The following CHN1 variants were observed in gnomAD, a reference collection of about 807,000 sequenced individuals.
CHN1 encodes chimerin 1, also known as N-chimaerin.
Under a neutral mutation model 59.5 loss-of-function variants are expected in CHN1, and 37 were observed. That is an observed-to-expected ratio of 0.62 (90% CI 0.48 to 0.82). The LOEUF is 0.82. Among genes scored for constraint, CHN1 ranks in the 40% least tolerant of loss-of-function variants. The pLI is 0.00. For missense variants in CHN1, 469 were observed against 571.0 expected (o/e 0.82, Z 1.82); for synonymous variants, 206 against 200.4 (o/e 1.03, Z -0.24).
chr2:174,858,819 C>T (rs2105450119), intron 6 of CHN1, among the ~76,000 whole-genome samples: 1 of 152,092 alleles, frequency 6.6e-6, no homozygotes, highest in Admixed American at 6.6e-5. Flanking sequence ...GGCATCTGTA[C>T]AAGGTCCACA....
At chr2:174,918,269 C>T (rs1235683315) in intron 4 of CHN1, among the ~76,000 whole-genome samples, 2 of 152,186 alleles carry the variant, frequency 1.3e-5, no homozygotes, top group Non-Finnish European at 2.9e-5. Flanking sequence ...GTACATTTTC[C>T]TCATATACAT....
At chr2:174,844,641 C>T (rs1201137435) in intron 7 of CHN1, among the ~76,000 whole-genome samples, 1 of 152,160 alleles carries the variant, frequency 6.6e-6, no homozygotes, top group East Asian at 1.9e-4. Flanking sequence ...AATCAGTGAC[C>T]TTCTAAGCGA....
In CHN1 at chr2:175,004,877, G is replaced by A; in HGVS notation, c.19+17C>T. The A allele has an allele frequency of 2.1e-6, 3 of 1,401,152 alleles. No individual in the cohort carries two copies. The highest frequency in any genetic ancestry group is 1.9e-6 in the Non-Finnish European group (2 of 1,068,348). 86.8% of individuals were successfully genotyped at this position (1,401,152 alleles called of 1,614,324 possible). ...CGCGGCCCACCTGCGGCGGCGCGGG[G>A]AGACGGCTGCACTTACCAAACAGGG... On this transcript the variant is annotated intron_variant, in intron 1 of 12. Coordinates refer to ENST00000409900, the MANE Select transcript of CHN1 (RefSeq NM_001822.7).
chr2:174,909,644 G>C (rs1351394251), intron 5 of CHN1, among the ~76,000 whole-genome samples: 1 of 152,214 alleles, frequency 6.6e-6, no homozygotes, highest in Non-Finnish European at 1.5e-5. Context: ...GACTAGCCAT[G>C]AATACAAATA....
At chr2:174,820,275 A>G in intron 8 of CHN1, among the ~76,000 whole-genome samples, 1 of 152,328 alleles carries the variant, frequency 6.6e-6, no homozygotes, top group East Asian at 1.9e-4. Flanking sequence ...ACTAGTTTAC[A>G]GTCCCACCAA....
intron 2 of CHN1, among the ~76,000 whole-genome samples, chr2:174,945,929 G>GTATA (rs1260404826): frequency 3.6e-4 from 54 of 149,488 alleles, no homozygotes; most frequent in African/African-American, 6.7e-4. Flanking sequence ...GTGTGTGTGT[G>GTATA]TGTATATATA....
At chr2:174,848,264 T>G in intron 6 of CHN1, among the ~76,000 whole-genome samples, 1 of 152,152 alleles carries the variant, frequency 6.6e-6, no homozygotes, top group East Asian at 1.9e-4. Context: ...TGGAAGCCAG[T>G]TGGGAATAAT....
At chr2:174,990,262 T>TGAGAGA (rs147367573) in intron 1 of CHN1, among the ~76,000 whole-genome samples, 3 of 89,388 alleles carry the variant, frequency 3.4e-5, no homozygotes, top group African/African-American at 9.4e-5. Context: ...TGTGTGTGTG[T>TGAGAGA]GAGAGAGAGA....
intron 5 of CHN1, among the ~76,000 whole-genome samples, chr2:174,889,881 A>G (rs890921931): frequency 4.7e-5 from 7 of 149,288 alleles, no homozygotes; most frequent in Non-Finnish European, 6.0e-5. Flanking sequence ...ATAAATAAAT[A>G]TGTGTGTGTG....
Position 174,799,593 on chromosome 2 carries a change from A to C in CHN1, c.*523T>G, listed in dbSNP as rs1477468947. On this transcript the variant is annotated 3_prime_UTR_variant, in exon 13 of 13. Transcript: ENST00000409900. ...TGGAAAGAAAGTACTATGTTAGAGA[A>C]GAACTAAGAGAAACCAGAAATCATT... The C allele has an allele frequency of 1.9e-6, 1 of 527,114 alleles. No individual in the cohort carries two copies. The highest frequency in any genetic ancestry group is 1.9e-5 in the African/African-American group (1 of 53,460). 32.7% of individuals were successfully genotyped at this position (527,114 alleles called of 1,614,324 possible).
chr2:174,984,471 C>A (rs545071146), intron 1 of CHN1, among the ~76,000 whole-genome samples: 2 of 149,428 alleles, frequency 1.3e-5, no homozygotes, highest in South Asian at 4.2e-4. Flanking sequence ...CCGGTTGAAG[C>A]GATTCTCCTG....
intron 7 of CHN1, chr2:174,846,194 TATAA>T: frequency 3.8e-6 from 5 of 1,326,436 alleles, no homozygotes; most frequent in Non-Finnish European, 5.0e-6. Context: ...TATATCATGC[TATAA>T]ATACAGACTA....
intron 1 of CHN1, among the ~76,000 whole-genome samples, chr2:174,975,287 A>G (rs759776919): frequency 7.5e-4 from 114 of 152,204 alleles, no homozygotes; most frequent in Admixed American, 1.7e-3. Context: ...TTCATTTCTT[A>G]GATTTTTTTA....
intron 5 of CHN1, among the ~76,000 whole-genome samples, chr2:174,883,375 A>T (rs1687792508): frequency 6.6e-6 from 1 of 152,216 alleles, no homozygotes; most frequent in South Asian, 2.1e-4. Context: ...CAAAATTTAA[A>T]TACTAAAGAA....
intron 10 of CHN1, 54 bp downstream of exon 10, chr2:174,811,456 CT>C: frequency 8.1e-7 from 1 of 1,232,300 alleles, no homozygotes; most frequent in Non-Finnish European, 1.2e-6. Context: ...GAAATTGTGC[CT>C]TTTTAGAAAA....
chr2:174,906,822 C>T (rs1688556323), intron 5 of CHN1, among the ~76,000 whole-genome samples: 1 of 152,126 alleles, frequency 6.6e-6, no homozygotes, highest in Non-Finnish European at 1.5e-5. Context: ...TAACCCTTAA[C>T]ATTTTTTTCT....
chr2:174,850,517 A>C (rs1686695816), intron 6 of CHN1, among the ~76,000 whole-genome samples: 1 of 152,182 alleles, frequency 6.6e-6, no homozygotes, highest in Non-Finnish European at 1.5e-5. Context: ...GGAAGTTTAA[A>C]GAAATGACAT....
Position 174,824,685 on chromosome 2 carries a change from AT to A in CHN1, c.628-168del, listed in dbSNP as rs1685626233. Among the ~76,000 whole-genome samples, 3 of 152,244 alleles carry A rather than the reference AT, an allele frequency of 2.0e-5. No individual in the cohort carries two copies. The South Asian group carries it at 6.2e-4, about 32-fold the overall frequency. On this transcript the variant is annotated intron_variant, in intron 7 of 12. Coordinates refer to ENST00000409900, the MANE Select transcript of CHN1 (RefSeq NM_001822.7). Reference sequence around the variant, plus strand: ...TGCCCAGGCTGGAGTGCAGTGGTGTATCACAGCTCACTGAGGCCTCCCTCAA... The same window carrying A: ...TGCCCAGGCTGGAGTGCAGTGGTGTACACAGCTCACTGAGGCCTCCCTCAA...
At chr2:174,847,431 G>A in intron 6 of CHN1, 1 of 1,202,518 alleles carries the variant, frequency 8.3e-7, no homozygotes, top group Non-Finnish European at 1.0e-6. Context: ...AAAACACTCA[G>A]CATCTCTCTT....
Sources: allele counts gnomAD v4.1 joint callset (sites outside exome capture counted in the v4.1 genomes callset), GRCh38; gene constraint gnomAD v4.1.1; transcripts MANE v1.5; gene names NCBI Gene and HGNC (gene_info 2026-07-23, HGNC 2026-07-21).